The following GRIK2 variants were observed in gnomAD, a reference collection of about 807,000 sequenced individuals.
GRIK2 encodes the protein glutamate receptor ionotropic, kainate 2.
GRIK2 carries 32 observed loss-of-function variants against 100.3 expected under a neutral mutation model. That is an observed-to-expected ratio of 0.32 (90% CI 0.24 to 0.43). The LOEUF (loss-of-function observed/expected upper bound fraction) is 0.43, where lower values mean the gene tolerates loss of function less well. GRIK2 is among the 20% of genes least tolerant of loss of function. The probability of loss-of-function intolerance (pLI) is 1.00; values close to 1 mark genes in which losing one functional copy is unlikely to be tolerated. For synonymous variants in GRIK2, 417 were observed against 389.4 expected, an observed-to-expected ratio of 1.07 and a Z score of -0.83; for missense variants, 843 against 1,114.9, an observed-to-expected ratio of 0.76 and a Z score of 3.47.
rs1770093223 is a variant in GRIK2 at position 102,033,253 on chromosome 6, TATTC to T, written c.2086-2087_2086-2084del. Among the ~76,000 whole-genome samples the T allele has an allele frequency of 2.3e-5, 3 of 130,846 alleles. No individual in the cohort carries two copies. The South Asian group carries it at 6.2e-4, about 27-fold the overall frequency. 85.8% of individuals were successfully genotyped at this position (130,846 alleles called of 152,430 possible). On this transcript the variant is annotated intron_variant, in intron 14 of 16. Transcript: ENST00000369134. Reference sequence around the variant, plus strand: ...TTATTTTGCTTGAAAAAAATTCTATTATTCTTTCTGGAGGAAGTATATGAATCAA... The same window carrying T: ...TTATTTTGCTTGAAAAAAATTCTATTTTTCTGGAGGAAGTATATGAATCAA...
At chr6:101,526,371 G>C (rs1294497209) in intron 2 of GRIK2, among the ~76,000 whole-genome samples, 1 of 152,144 alleles carries the variant, frequency 6.6e-6, no homozygotes, top group East Asian at 1.9e-4. Context: ...CTAATAATTA[G>C]AGTATATTTA....
At chr6:101,494,869 G>A (rs1251459587) in intron 2 of GRIK2, among the ~76,000 whole-genome samples, 2 of 151,052 alleles carry the variant, frequency 1.3e-5, no homozygotes, top group Non-Finnish European at 2.9e-5. Flanking sequence ...GGGAGGTGGA[G>A]GTTGTAGTGA....
At chr6:101,772,787 T>C (rs1778489044) in intron 7 of GRIK2, among the ~76,000 whole-genome samples, 1 of 151,950 alleles carries the variant, frequency 6.6e-6, no homozygotes, top group Non-Finnish European at 1.5e-5. Context: ...CTCTCTAACA[T>C]TAATAGATAG....
chr6:102,047,742 C>T (rs1224091829), intron 15 of GRIK2, among the ~76,000 whole-genome samples: 1 of 151,644 alleles, frequency 6.6e-6, no homozygotes, highest in Admixed American at 6.6e-5. Flanking sequence ...GAGCAAGACT[C>T]CATCTCAAAG....
chr6:101,841,297 A>G (rs1052530303), intron 10 of GRIK2, among the ~76,000 whole-genome samples: 5 of 152,184 alleles, frequency 3.3e-5, no homozygotes, highest in African/African-American at 1.2e-4. Flanking sequence ...TGGGTTAAGC[A>G]GCAAAGTTTG....
At chr6:101,566,789 TATATA>T (rs1450535495) in intron 2 of GRIK2, among the ~76,000 whole-genome samples, 1 of 149,900 alleles carries the variant, frequency 6.7e-6, no homozygotes, top group Non-Finnish European at 1.5e-5. Flanking sequence ...ATGCCTATTA[TATATA>T]ATATAAATGT....
At chr6:101,927,120 G>A (rs572229659) in intron 13 of GRIK2, among the ~76,000 whole-genome samples, 1 of 151,924 alleles carries the variant, frequency 6.6e-6, no homozygotes, top group Admixed American at 6.6e-5. Flanking sequence ...AGCTGGAGTT[G>A]GCTGTCATGT....
intron 2 of GRIK2, chr6:101,430,825 G>T: frequency 3.5e-6 from 1 of 282,978 alleles, no homozygotes; most frequent in South Asian, 5.0e-5. Flanking sequence ...TCAAAGTCTA[G>T]GGCAGCATAG....
At chr6:101,837,509 A>T (rs1783209423) in intron 10 of GRIK2, among the ~76,000 whole-genome samples, 1 of 152,290 alleles carries the variant, frequency 6.6e-6, no homozygotes, top group East Asian at 1.9e-4. Context: ...CATAAGCCCT[A>T]AATATATGCA....
chr6:101,824,568 A>C (rs1474440965), intron 10 of GRIK2, among the ~76,000 whole-genome samples: 3 of 152,116 alleles, frequency 2.0e-5, no homozygotes, highest in African/African-American at 2.4e-5. Flanking sequence ...ATTTTTGTCC[A>C]TCAAAAGATT....
chr6:101,647,740 G>A (rs1361592504), intron 4 of GRIK2, among the ~76,000 whole-genome samples: 2 of 151,940 alleles, frequency 1.3e-5, no homozygotes, highest in Admixed American at 6.6e-5. Flanking sequence ...ATTTTAAAAG[G>A]GCAGGCAATA....
At chr6:101,562,719 TG>T (rs1777080515) in intron 2 of GRIK2, among the ~76,000 whole-genome samples, 1 of 152,112 alleles carries the variant, frequency 6.6e-6, no homozygotes, top group Non-Finnish European at 1.5e-5. Context: ...TATCCTTGAA[TG>T]TTCTTCTGAT....
At chr6:101,758,282 T>C (rs910798055) in intron 7 of GRIK2, among the ~76,000 whole-genome samples, 1 of 152,286 alleles carries the variant, frequency 6.6e-6, no homozygotes. Context: ...TAAAGTATAG[T>C]GTATAAATGA....
intron 3 of GRIK2, among the ~76,000 whole-genome samples, chr6:101,623,145 T>A (rs2128317317): frequency 6.6e-6 from 1 of 152,178 alleles, no homozygotes; most frequent in Non-Finnish European, 1.5e-5. Flanking sequence ...TGTACATAAT[T>A]ATTTATAATT....
At chr6:101,936,037 G>T (rs1790595056) in intron 14 of GRIK2, among the ~76,000 whole-genome samples, 1 of 151,792 alleles carries the variant, frequency 6.6e-6, no homozygotes. Context: ...TTTTTTGTTT[G>T]TCTCACATAT....
rs561405724 is a variant in GRIK2 at position 101,682,353 on chromosome 6, A to G, written c.724-200A>G. ...CATTCAGCTAATAGCTTTTCTATCT[A>G]GAGAATTGCTTCAGAAATTCCTTCA... is the stretch of plus-strand genomic sequence containing the variant. On this transcript the variant is annotated intron_variant, in intron 5 of 16. Transcript: ENST00000369134. Among the ~76,000 whole-genome samples the G allele has an allele frequency of 1.4e-4, 21 of 152,358 alleles. 1 individual carries two copies. The highest frequency in any genetic ancestry group is 3.8e-4 in the African/African-American group (16 of 41,594).
chr6:101,637,151 C>T (rs143820025), intron 4 of GRIK2, among the ~76,000 whole-genome samples: 1 of 151,884 alleles, frequency 6.6e-6, no homozygotes, highest in African/African-American at 2.4e-5. Context: ...GATTTTATTC[C>T]CAGTCTTGTT....
chr6:101,574,600 C>T (rs898122448), intron 2 of GRIK2, among the ~76,000 whole-genome samples: 1 of 151,216 alleles, frequency 6.6e-6, no homozygotes, highest in African/African-American at 2.4e-5. Context: ...ATTAATAATT[C>T]TCATCTCTGT....
intron 2 of GRIK2, among the ~76,000 whole-genome samples, chr6:101,521,468 G>C (rs1321030042): frequency 6.6e-6 from 1 of 151,750 alleles, no homozygotes; most frequent in African/African-American, 2.4e-5. Context: ...TTCATTTGTG[G>C]TCTTTTGTTA....
Sources: allele counts gnomAD v4.1 joint callset (sites outside exome capture counted in the v4.1 genomes callset), GRCh38; gene constraint gnomAD v4.1.1; transcripts MANE v1.5; gene names NCBI Gene and HGNC (gene_info 2026-07-23, HGNC 2026-07-21).